Variants in TOM1 observed in about 807,000 individuals in gnomAD.
The protein encoded by TOM1 is target of myb1 membrane trafficking protein.
A neutral mutation model predicts 61.3 loss-of-function variants in TOM1; 38 were observed. The ratio of observed to expected loss-of-function variants is 0.62; its 90% CI spans 0.48 to 0.81. The LOEUF (loss-of-function observed/expected upper bound fraction) is 0.81, where lower values mean the gene tolerates loss of function less well. Among genes scored for constraint, TOM1 ranks in the 40% least tolerant of loss-of-function variants. The probability of loss-of-function intolerance (pLI) is 0.00; values close to 1 mark genes in which losing one functional copy is unlikely to be tolerated. For synonymous variants in TOM1, 270 were observed against 268.8 expected (o/e 1.00, Z -0.04); for missense variants, 591 against 659.6 (o/e 0.90, Z 1.14).
intron 1 of TOM1, among the ~76,000 whole-genome samples, chr22:35,309,366 A>G (rs138771): frequency 0.66 from 100,345 of 152,016 alleles, 35,946 homozygotes; most frequent in Non-Finnish European, 0.81. Flanking sequence ...GAAAGAGGCC[A>G]GGCGCAGTGG....
chr22:35,315,055 T>C (rs1483763038), intron 1 of TOM1, among the ~76,000 whole-genome samples: 1 of 152,042 alleles, frequency 6.6e-6, no homozygotes, highest in Non-Finnish European at 1.5e-5. Flanking sequence ...ACGGAAGGAT[T>C]TGGGCAGGAA....
In TOM1 at chr22:35,323,388, A is replaced by C; in HGVS notation, c.367-108A>C. 1 of 1,245,640 alleles carries C rather than the reference A, an allele frequency of 8.0e-7. No individual in the cohort carries two copies. Among genetic ancestry groups the C allele is most frequent in the Non-Finnish European group, 1.1e-6 (1 of 930,762 alleles). 77.2% of individuals were successfully genotyped at this position (1,245,640 alleles called of 1,614,324 possible). The stretch of plus-strand genomic sequence containing the variant: ...GAGTGGGCAGGGCAGATGTAGTTAA[A>C]AAAAAAAAAAAAGCAGGGAAAGAAT... On this transcript the variant is annotated intron_variant, in intron 4 of 14. Coordinates refer to ENST00000449058, the MANE Select transcript of TOM1 (RefSeq NM_005488.3). This position sits in a 1 kb window ranked among gnomAD's most constrained non-coding sequence, Gnocchi z 4.2.
At position 35,299,898 on chromosome 22, in the gene TOM1, C is replaced by A. The variant is rs1161205983; in HGVS notation, c.-31C>A. ...CGCTGGCGGTTGCTGTCAGCTGATTCCCGGGGTTGGTGGCAGCGGCGGTAG... is the reference window on the plus strand; with the variant it reads ...CGCTGGCGGTTGCTGTCAGCTGATTACCGGGGTTGGTGGCAGCGGCGGTAG... On this transcript the variant is annotated 5_prime_UTR_variant, in exon 1 of 15. Coordinates refer to ENST00000449058, the MANE Select transcript of TOM1 (RefSeq NM_005488.3). 16 of 1,571,614 alleles carry A rather than the reference C, an allele frequency of 1.0e-5. No homozygotes were observed. The highest frequency in any genetic ancestry group is 1.8e-5 in the Admixed American group (1 of 54,228).
In TOM1 at chr22:35,331,743, C is replaced by T. The variant is rs777194528; in HGVS notation, c.900-1238C>T. 4.6e-5 allele frequency among the ~76,000 whole-genome samples: 7 copies of T among 151,984 alleles called. No homozygotes were observed. In the East Asian group the frequency reaches 5.8e-4, roughly 13 times the overall value. On this transcript the variant is annotated intron_variant, in intron 8 of 14. Transcript: ENST00000449058. ...TACTAAAAAATACAAAAAAATTAGC[C>T]GGAGGTGGTGGTGGGTGCCTGTAAT...
At position 35,330,391 on chromosome 22, in the gene TOM1, G is replaced by A. The variant is rs1047032862; in HGVS notation, c.810G>A (p.Glu270=). The change falls in exon 8 of 15, where the codon GAG becomes GAA. Residue 270 remains glutamate, a synonymous_variant. Coordinates refer to ENST00000449058, the MANE Select transcript of TOM1 (RefSeq NM_005488.3). ...TCRAMQQRVL[E]LIPQIANEQL... is the part of the protein sequence containing the mutation. Reference sequence around the variant, plus strand: ...GAGCCATGCAGCAGCGGGTCCTGGAGCTCATCCCTCAGATCGCCAATGAGC... The same window carrying A: ...GAGCCATGCAGCAGCGGGTCCTGGAACTCATCCCTCAGATCGCCAATGAGC... 1.9e-6 allele frequency: 3 copies of A among 1,613,468 alleles called. No individual in the cohort carries two copies. The African/African-American group carries it at 4.0e-5, about 22-fold the overall frequency.
chr22:35,299,510 C>A, upstream of TOM1: 1 of 177,754 alleles, frequency 5.6e-6, no homozygotes, highest in Non-Finnish European at 1.2e-5. Context: ...TGTGCAGTCA[C>A]AGTGAGGTCC....
chr22:35,314,747 T>C lies in TOM1; in HGVS notation c.53-3130T>C, dbSNP rs143914951. ...AGGAAGGACACTTCTGGGAAAACAG[T>C]GTTCCCCGCCCCTGCTGAGAGATGC... On this transcript the variant is annotated intron_variant, in intron 1 of 14. Transcript: ENST00000449058. 3.2e-3 allele frequency among the ~76,000 whole-genome samples: 486 copies of C among 152,000 alleles called. 4 individuals carry two copies. The highest frequency in any genetic ancestry group is 0.011 in the African/African-American group (469 of 41,452).
intron 3 of TOM1, 82 bp from the exon 4 acceptor site, chr22:35,322,946 C>A: frequency 6.5e-7 from 1 of 1,539,878 alleles, no homozygotes; most frequent in South Asian, 1.2e-5. Context: ...CTCTGGGACA[C>A]AGGAGGAGCC....
At position 35,299,909 on chromosome 22, in the gene TOM1, T is replaced by A. The variant is rs779371557; in HGVS notation, c.-20T>A. On this transcript the variant is annotated 5_prime_UTR_variant, in exon 1 of 15. Coordinates refer to ENST00000449058, the MANE Select transcript of TOM1 (RefSeq NM_005488.3). The stretch of plus-strand genomic sequence containing the variant: ...GCTGTCAGCTGATTCCCGGGGTTGG[T>A]GGCAGCGGCGGTAGCAGCAATGGAC... 1.1e-5 allele frequency: 18 copies of A among 1,577,476 alleles called. No homozygotes were observed. Among genetic ancestry groups the A allele is most frequent in the Non-Finnish European group, 9.5e-6 (11 of 1,160,154 alleles).
At chr22:35,304,874 T>C (rs1022314636) in intron 1 of TOM1, among the ~76,000 whole-genome samples, 3 of 152,210 alleles carry the variant, frequency 2.0e-5, no homozygotes, top group East Asian at 1.9e-4. Flanking sequence ...TCCTAGCTGA[T>C]TGCCAACAGT....
chr22:35,299,547 A>C (rs1172328457), upstream of TOM1: 4 of 265,630 alleles, frequency 1.5e-5, no homozygotes, highest in Non-Finnish European at 2.9e-5. Context: ...TGACCCTAAG[A>C]GTCTCGGCTT....
In TOM1 at chr22:35,345,782, G is replaced by T; in HGVS notation, c.1282G>T (p.Val428Leu). The T allele has an allele frequency of 6.2e-7, 1 of 1,613,990 alleles. No individual in the cohort carries two copies. The highest frequency in any genetic ancestry group is 8.5e-7 in the Non-Finnish European group (1 of 1,179,996). The change falls in exon 13 of 15, where the codon GTG becomes TTG. Residue 428 changes from valine to leucine, a missense_variant and splice_region_variant. Coordinates refer to ENST00000449058, the MANE Select transcript of TOM1 (RefSeq NM_005488.3). ...CATCGAGCAGTGGCTGTCCACTGACGTGGTATGTTGGGGCCCACTCCTCAC... is the reference window on the plus strand; with the variant it reads ...CATCGAGCAGTGGCTGTCCACTGACTTGGTATGTTGGGGCCCACTCCTCAC... The part of the protein sequence containing the change: ...EDIEQWLSTD[V>L]GNDAEEPKGV...
chr22:35,309,838 G>C (rs939810331), intron 1 of TOM1, among the ~76,000 whole-genome samples: 1 of 152,098 alleles, frequency 6.6e-6, no homozygotes, highest in Non-Finnish European at 1.5e-5. Context: ...AGTACCAACT[G>C]TCTGTGTCTC....
intron 10 of TOM1, 56 bp from the exon 11 acceptor site, chr22:35,334,272 C>T (rs1929090826): frequency 6.4e-7 from 1 of 1,570,346 alleles, no homozygotes; most frequent in African/African-American, 1.4e-5. Context: ...AGCTCAGCAG[C>T]AGCTCACACA....
intron 8 of TOM1, 59 bp downstream of exon 8, chr22:35,330,539 C>T (rs988576258): frequency 2.7e-6 from 4 of 1,499,116 alleles, no homozygotes; most frequent in Non-Finnish European, 3.6e-6. Flanking sequence ...CCCTTCCCTT[C>T]CTCCCTGTTC....
chr22:35,325,632 G>A (rs889800103), intron 6 of TOM1, among the ~76,000 whole-genome samples: 2 of 152,132 alleles, frequency 1.3e-5, no homozygotes, highest in African/African-American at 2.4e-5. Context: ...TGCTGACAGC[G>A]AGCTGCACTT....
intron 1 of TOM1, among the ~76,000 whole-genome samples, chr22:35,305,327 T>C (rs1215073904): frequency 1.3e-5 from 2 of 152,132 alleles, no homozygotes; most frequent in Non-Finnish European, 2.9e-5. Context: ...ACAGAGGTCA[T>C]ATATAGGGAC....
intron 7 of TOM1, among the ~76,000 whole-genome samples, chr22:35,329,603 A>G (rs1336680638): frequency 6.6e-6 from 1 of 152,234 alleles, no homozygotes; most frequent in Non-Finnish European, 1.5e-5. Flanking sequence ...GTGAGGCAAA[A>G]ACTCGAAATC....
chr22:35,322,922 C>T, intron 3 of TOM1, 106 bp from the exon 4 acceptor site: 1 of 1,375,810 alleles, frequency 7.3e-7, no homozygotes, highest in Non-Finnish European at 9.9e-7. Flanking sequence ...CCCATCTCCT[C>T]TCCCGGGCCT....
Sources: gnomAD v4.1 joint callset for allele counts (sites outside exome capture counted in the v4.1 genomes callset) on GRCh38, gnomAD v4.1.1 for gene constraint, Gnocchi (gnomAD v3.1) non-coding constraint, MANE v1.5 for transcripts, NCBI Gene and HGNC (gene_info 2026-07-23, HGNC 2026-07-21) for gene names.